The following OPCML variants were observed in gnomAD, a reference collection of about 807,000 sequenced individuals.
OPCML encodes opioid binding protein/cell adhesion molecule like, also known as opioid-binding protein/cell adhesion molecule.
A neutral mutation model predicts 37.8 loss-of-function variants in OPCML; 13 were observed. The observed-to-expected ratio is 0.34, with a 90% CI of 0.22 to 0.55. The LOEUF (loss-of-function observed/expected upper bound fraction) is 0.55. OPCML is among the 20% of genes least tolerant of loss of function. OPCML has a pLI of 0.91. For missense variants in OPCML, 341 were observed against 435.6 expected (o/e 0.78, Z 1.93); for synonymous variants, 176 against 168.8 (o/e 1.04, Z -0.33).
At chr11:132,777,823 C>A (rs1055687344) in intron 2 of OPCML, among the ~76,000 whole-genome samples, 1 of 152,186 alleles carries the variant, frequency 6.6e-6, no homozygotes, top group Non-Finnish European at 1.5e-5. Context: ...CCTTCAGGCT[C>A]ATGTTTAAAG....
chr11:132,899,556 T>G (rs900192331), intron 2 of OPCML, among the ~76,000 whole-genome samples: 6 of 152,194 alleles, frequency 3.9e-5, no homozygotes, highest in Admixed American at 3.9e-4. Flanking sequence ...ATTTGGAGGT[T>G]AAGTATGGTT....
In OPCML at chr11:133,498,858, C is replaced by T. The variant is rs564804368; in HGVS notation, c.61+33406G>A. ...CTTTAGATGTAAGAATAACAGCTAC[C>T]ATGGATGGAGTTATGGAACCCAACA... On this transcript the variant is annotated intron_variant, in intron 1 of 7. Transcript: ENST00000524381. Among the ~76,000 whole-genome samples, 3 of 152,244 alleles carry T rather than the reference C, an allele frequency of 2.0e-5. No homozygotes were observed. The South Asian group carries it at 6.2e-4, about 32-fold the overall frequency.
chr11:132,656,918 A>G (rs577534341), intron 3 of OPCML, among the ~76,000 whole-genome samples, 169 bp downstream of exon 3: 1 of 152,342 alleles, frequency 6.6e-6, no homozygotes, highest in East Asian at 1.9e-4. Flanking sequence ...TTCAGCACTT[A>G]GTTAAGTACC....
intron 1 of OPCML, chr11:133,026,613 T>C (rs1367503400): frequency 3.1e-6 from 3 of 981,740 alleles, no homozygotes; most frequent in Non-Finnish European, 1.2e-6. Flanking sequence ...CACATTTTCA[T>C]AGTGCTTTCT....
Position 133,277,543 on chromosome 11 carries a change from T to C in OPCML, c.61+254721A>G, listed in dbSNP as rs993380904. Among the ~76,000 whole-genome samples, 6 of 152,288 alleles carry C rather than the reference T, an allele frequency of 3.9e-5. No homozygotes were observed. The South Asian group carries it at 1.2e-3, about 32-fold the overall frequency. ...CTGTTGCTGTTGGGCCATCTGAGCC[T>C]GGACAATGGCCTCTTCCACTTCCAG... On this transcript the variant is annotated intron_variant, in intron 1 of 7. Coordinates refer to ENST00000524381, the MANE Select transcript of OPCML (RefSeq NM_001012393.5).
At chr11:133,379,822 C>T (rs943839557) in intron 1 of OPCML, among the ~76,000 whole-genome samples, 2 of 152,164 alleles carry the variant, frequency 1.3e-5, no homozygotes, top group Non-Finnish European at 2.9e-5. Flanking sequence ...CCAAATATTC[C>T]TGTAGTAAAA....
At chr11:133,474,716 C>T (rs1351391433) in intron 1 of OPCML, among the ~76,000 whole-genome samples, 1 of 151,940 alleles carries the variant, frequency 6.6e-6, no homozygotes, top group Non-Finnish European at 1.5e-5. Context: ...TCTGGTTGCC[C>T]TCCAAGACTT....
At chr11:133,436,895 T>A (rs1391801203) in intron 1 of OPCML, among the ~76,000 whole-genome samples, 1 of 152,162 alleles carries the variant, frequency 6.6e-6, no homozygotes, top group Non-Finnish European at 1.5e-5. Context: ...TCTATTTTGA[T>A]TCATTTATAC....
At chr11:132,939,655 T>C (rs1272808578) in intron 2 of OPCML, among the ~76,000 whole-genome samples, 1 of 152,182 alleles carries the variant, frequency 6.6e-6, no homozygotes, top group Non-Finnish European at 1.5e-5. Flanking sequence ...TTTGAGGAGA[T>C]TGAGGCCTGT....
intron 1 of OPCML, among the ~76,000 whole-genome samples, chr11:133,162,915 G>A (rs551097635): frequency 1.1e-4 from 17 of 152,288 alleles, no homozygotes; most frequent in African/African-American, 3.6e-4. Context: ...GAATCTTGAC[G>A]CTGCTAGTAA....
chr11:132,930,572 A>G (rs941851954), intron 2 of OPCML, among the ~76,000 whole-genome samples: 1 of 152,162 alleles, frequency 6.6e-6, no homozygotes, highest in Non-Finnish European at 1.5e-5. Context: ...TAAACTAACA[A>G]TAAACAATCT....
chr11:132,922,350 C>A (rs1408797485), intron 2 of OPCML, among the ~76,000 whole-genome samples: 1 of 152,086 alleles, frequency 6.6e-6, no homozygotes, highest in Admixed American at 6.6e-5. Flanking sequence ...GGAAATGAGA[C>A]AGAGAAATAC....
Position 132,798,128 on chromosome 11 carries a change from C to T in OPCML, c.147-140809G>A, listed in dbSNP as rs192840354. On this transcript the variant is annotated intron_variant, in intron 2 of 7. Transcript: ENST00000524381. Reference sequence around the variant, plus strand: ...GACAGTCTTTCTTATGATCTCGGTTCGGCATGATCTCGGCTCACCGCAACC... The same window carrying T: ...GACAGTCTTTCTTATGATCTCGGTTTGGCATGATCTCGGCTCACCGCAACC... 4.5e-4 allele frequency among the ~76,000 whole-genome samples: 68 copies of T among 152,118 alleles called. No individual in the cohort carries two copies. The East Asian group carries it at 0.013, about 29-fold the overall frequency.
intron 1 of OPCML, among the ~76,000 whole-genome samples, chr11:133,411,266 A>T (rs1017004041): frequency 3.3e-5 from 5 of 152,228 alleles, no homozygotes; most frequent in African/African-American, 4.8e-5. Context: ...GTACAGGCTT[A>T]AACTTGGATT....
chr11:132,969,018 A>T (rs900014813), intron 1 of OPCML, among the ~76,000 whole-genome samples: 10 of 151,962 alleles, frequency 6.6e-5, no homozygotes. Context: ...TTATTTCCAT[A>T]GGTTTTTGGA....
At chr11:133,042,489 G>A (rs1278333167) in intron 1 of OPCML, among the ~76,000 whole-genome samples, 1 of 152,186 alleles carries the variant, frequency 6.6e-6, no homozygotes, top group Non-Finnish European at 1.5e-5. Context: ...CGGTGCAGTA[G>A]GGAATGTAAG....
chr11:133,012,750 C>T (rs1947243516), intron 1 of OPCML, among the ~76,000 whole-genome samples: 1 of 151,516 alleles, frequency 6.6e-6, no homozygotes, highest in South Asian at 2.1e-4. Flanking sequence ...TGGCACATGC[C>T]TGTAATCCCA....
rs146036978 is a variant in OPCML at position 133,039,781 on chromosome 11, C to T, written c.62-96771G>A. 2.1e-3 allele frequency among the ~76,000 whole-genome samples: 316 copies of T among 152,072 alleles called. 1 individual carries two copies. Among genetic ancestry groups the T allele is most frequent in the African/African-American group, 7.2e-3 (297 of 41,512 alleles). On this transcript the variant is annotated intron_variant, in intron 1 of 7. Coordinates refer to ENST00000524381, the MANE Select transcript of OPCML (RefSeq NM_001012393.5). ...ATTCATGTGAAAGATTGGGGGAGGA[C>T]AACTTTGGGAGGCCAAGGCGGGCAC...
At chr11:133,155,563 C>G (rs2137202071) in intron 1 of OPCML, among the ~76,000 whole-genome samples, 1 of 152,200 alleles carries the variant, frequency 6.6e-6, no homozygotes, top group South Asian at 2.1e-4. Context: ...GGCCCCCAAG[C>G]CTCCTTACTT....
Sources: allele counts gnomAD v4.1 joint callset (sites outside exome capture counted in the v4.1 genomes callset), GRCh38; gene constraint gnomAD v4.1.1; transcripts MANE v1.5; gene names NCBI Gene and HGNC (gene_info 2026-07-23, HGNC 2026-07-21).